The following RAI1 variants were observed in gnomAD, a reference collection of about 807,000 sequenced individuals.
The protein encoded by RAI1 is retinoic acid-induced protein 1.
RAI1 carries 9 observed loss-of-function variants against 123.8 expected under a neutral mutation model. The observed-to-expected ratio is 0.07, with a 90% CI of 0.04 to 0.13. The LOEUF (loss-of-function observed/expected upper bound fraction) is 0.13, where lower values mean the gene tolerates loss of function less well. Among genes scored for constraint, RAI1 ranks in the 10% least tolerant of loss-of-function variants. The pLI, the probability that RAI1 is intolerant of heterozygous loss-of-function variation, is 1.00. For missense variants in RAI1, 2,256 were observed against 2,545.8 expected (o/e 0.89, Z 2.45); for synonymous variants, 1,231 against 1,127.3 (o/e 1.09, Z -1.84).
At chr17:17,738,418 G>C (rs1455711516) in intron 2 of RAI1, among the ~76,000 whole-genome samples, 1 of 151,824 alleles carries the variant, frequency 6.6e-6, no homozygotes, top group Non-Finnish European at 1.5e-5. Flanking sequence ...GGGCAGGAGG[G>C]TGCAGCTGAG....
At chr17:17,688,942 G>C (rs1914744014) in intron 1 of RAI1, among the ~76,000 whole-genome samples, 1 of 149,962 alleles carries the variant, frequency 6.7e-6, no homozygotes, top group Admixed American at 6.7e-5. Context: ...ATGTAGAAGA[G>C]ATCACCATTA....
intron 2 of RAI1, among the ~76,000 whole-genome samples, chr17:17,741,091 G>GCGCACA (rs891053243): frequency 8.3e-6 from 1 of 120,000 alleles, no homozygotes; most frequent in African/African-American, 2.6e-5. Flanking sequence ...AAGCGCGCGC[G>GCGCACA]CACACACACA....
Position 17,810,800 on chromosome 17 carries a change from C to G in RAI1, c.*819C>G, listed in dbSNP as rs1443590914. ...CCCAAGAAGCGGCCAGAACGCACCT[C>G]CGGCTCCGGCGGACGCGCGACCGTT... On this transcript the variant is annotated 3_prime_UTR_variant, in exon 6 of 6. Coordinates refer to ENST00000353383, the MANE Select transcript of RAI1 (RefSeq NM_030665.4). The surrounding 1 kb of genome is among the most constrained non-coding windows in gnomAD (Gnocchi z 4.6). The G allele has an allele frequency of 2.2e-6, 1 of 454,986 alleles. No individual in the cohort carries two copies. Among genetic ancestry groups the G allele is most frequent in the African/African-American group, 2.0e-5 (1 of 50,176 alleles). The allele number at this position is 454,986 out of a possible 1,614,324, so 28.2% of individuals were successfully genotyped here.
Position 17,810,312 on chromosome 17 carries a change from G to C in RAI1, c.*331G>C. 2.3e-6 allele frequency: 1 copy of C among 437,006 alleles called. No individual in the cohort carries two copies. Among genetic ancestry groups the C allele is most frequent in the Admixed American group, 4.2e-5 (1 of 24,022 alleles). The allele number at this position is 437,006 out of a possible 1,614,324, so 27.1% of individuals were successfully genotyped here. ...GGCGCTCAGCCTCCGGCGAGGGTGG[G>C]AGACGGCTTTGTCCTGGGGACACTT... On this transcript the variant is annotated 3_prime_UTR_variant, in exon 6 of 6. Transcript: ENST00000353383. This position sits in a 1 kb window ranked among gnomAD's most constrained non-coding sequence, Gnocchi z 4.6.
intron 1 of RAI1, among the ~76,000 whole-genome samples, chr17:17,723,579 C>A (rs1389963997): frequency 6.7e-6 from 1 of 149,596 alleles, no homozygotes; most frequent in African/African-American, 2.5e-5. Context: ...AGCCTCGCAG[C>A]GGGTGACCCC....
intron 1 of RAI1, among the ~76,000 whole-genome samples, chr17:17,709,119 C>T (rs1161632451): frequency 1.3e-5 from 2 of 152,114 alleles, no homozygotes; most frequent in Admixed American, 6.5e-5. Flanking sequence ...AGCAGCCACC[C>T]GGGGACCATC....
At chr17:17,768,948 G>A (rs1209255497) in intron 2 of RAI1, among the ~76,000 whole-genome samples, 3 of 152,224 alleles carry the variant, frequency 2.0e-5, no homozygotes, top group African/African-American at 7.2e-5. Context: ...GAAGGCTGAA[G>A]TGACAGTGTC....
In RAI1 at chr17:17,800,830, G is replaced by A. The variant is rs2032436977; in HGVS notation, c.5565+2317G>A. On this transcript the variant is annotated intron_variant, in intron 3 of 5. Coordinates refer to ENST00000353383, the MANE Select transcript of RAI1 (RefSeq NM_030665.4). This position sits in a 1 kb window ranked among gnomAD's most constrained non-coding sequence, Gnocchi z 4.7. ...CACCCCTTCCTGCCTCAGTGGCTTG[G>A]GGGCGCCATGCTCCTTGGAGTGAGA... 1.3e-5 allele frequency among the ~76,000 whole-genome samples: 2 copies of A among 152,246 alleles called. No individual in the cohort carries two copies. Among genetic ancestry groups the A allele is most frequent in the Admixed American group, 6.5e-5 (1 of 15,294 alleles).
chr17:17,721,481 C>T (rs1915878976), intron 1 of RAI1, among the ~76,000 whole-genome samples: 1 of 152,068 alleles, frequency 6.6e-6, no homozygotes, highest in East Asian at 1.9e-4. Context: ...TGAGAGTGTG[C>T]CTGCTGAATT....
At position 17,796,443 on chromosome 17, in the gene RAI1, G is replaced by A. The variant is rs915407132; in HGVS notation, c.3495G>A (p.Glu1165=). 2 of 1,613,150 alleles carry A rather than the reference G, an allele frequency of 1.2e-6. No individual in the cohort carries two copies. Among genetic ancestry groups the A allele is most frequent in the Non-Finnish European group, 1.7e-6 (2 of 1,180,004 alleles). The change falls in exon 3 of 6, where the codon GAG becomes GAA. Residue 1165 remains glutamate, a synonymous_variant. Coordinates refer to ENST00000353383, the MANE Select transcript of RAI1 (RefSeq NM_030665.4). The surrounding 1 kb of genome is among the most constrained non-coding windows in gnomAD (Gnocchi z 5.8). ...IFHSKRRRPS[E]GRLPNCRATK... is the part of the protein sequence containing the mutation. ...ACTCCAAGCGGCGGAGGCCCTCTGAGGGCCGGCTCCCCAACTGCCGTGCCA... is the reference window on the plus strand; with the variant it reads ...ACTCCAAGCGGCGGAGGCCCTCTGAAGGCCGGCTCCCCAACTGCCGTGCCA...
chr17:17,693,011 G>A (rs764264832), intron 1 of RAI1, among the ~76,000 whole-genome samples: 5 of 152,350 alleles, frequency 3.3e-5, no homozygotes, highest in Admixed American at 6.5e-5. Context: ...TGTGGAATGC[G>A]GGTATTTATT....
Position 17,746,306 on chromosome 17 carries a change from G to A in RAI1, c.-17+22147G>A, listed in dbSNP as rs1038944469. Reference sequence around the variant, plus strand: ...CAGGGAGAGGATGCGCTTCCGTGCCGCAGCCCATCTGGGAGCCAACGTTAT... The same window carrying A: ...CAGGGAGAGGATGCGCTTCCGTGCCACAGCCCATCTGGGAGCCAACGTTAT... On this transcript the variant is annotated intron_variant, in intron 2 of 5. Transcript: ENST00000353383. 3.3e-5 allele frequency among the ~76,000 whole-genome samples: 5 copies of A among 152,332 alleles called. No individual in the cohort carries two copies. In the South Asian group the frequency reaches 8.3e-4, roughly 25 times the overall value.
At position 17,794,704 on chromosome 17, in the gene RAI1, A is replaced by C; in HGVS notation, c.1756A>C (p.Lys586Gln). Residue 586 changes from lysine to glutamine, a missense_variant, in exon 3 of 6, where the codon AAG becomes CAG. By Grantham distance (53) the Lys-to-Gln change is moderately conservative. Transcript: ENST00000353383. ...HGSLPLDSFS[K>Q]FVAGERDCPR... ...CAGTCTGCCGCTCGACAGCTTCTCC[A>C]AGTTCGTGGCGGGTGAGCGGGACTG... is the stretch of plus-strand genomic sequence containing the variant. 6.2e-7 allele frequency: 1 copy of C among 1,612,916 alleles called. No homozygotes were observed. Among genetic ancestry groups the C allele is most frequent in the African/African-American group, 1.3e-5 (1 of 75,040 alleles).
chr17:17,779,834 G>A (rs899701791), intron 2 of RAI1, among the ~76,000 whole-genome samples: 3 of 149,386 alleles, frequency 2.0e-5, no homozygotes, highest in Admixed American at 6.7e-5. Context: ...GAGTGCAGTG[G>A]CGCGATCTTG....
At chr17:17,765,590 A>T (rs1224451908) in intron 2 of RAI1, among the ~76,000 whole-genome samples, 1 of 152,264 alleles carries the variant, frequency 6.6e-6, no homozygotes, top group Non-Finnish European at 1.5e-5. Context: ...GAATAGTTGT[A>T]TAATATTTGA....
At chr17:17,791,785 G>A (rs561619281) in intron 2 of RAI1, among the ~76,000 whole-genome samples, 75 of 152,278 alleles carry the variant, frequency 4.9e-4, no homozygotes, top group Non-Finnish European at 9.4e-4. Flanking sequence ...CCAGGCCAGC[G>A]AGTCAGCTGG....
At chr17:17,699,259 G>C (rs538258113) in intron 1 of RAI1, among the ~76,000 whole-genome samples, 2 of 152,094 alleles carry the variant, frequency 1.3e-5, no homozygotes, top group Non-Finnish European at 2.9e-5. Context: ...GACATCTGTC[G>C]GCAACATCCT....
intron 1 of RAI1, among the ~76,000 whole-genome samples, chr17:17,717,818 C>G (rs1434884294): frequency 6.6e-6 from 1 of 152,208 alleles, no homozygotes; most frequent in Non-Finnish European, 1.5e-5. Flanking sequence ...GGCCCAGTCA[C>G]ACGCCTGCAG....
At chr17:17,745,775 A>T (rs2029890105) in intron 2 of RAI1, among the ~76,000 whole-genome samples, 1 of 152,224 alleles carries the variant, frequency 6.6e-6, no homozygotes, top group East Asian at 1.9e-4. Context: ...CAGAGCTTAC[A>T]GAAGGGTGAG....
Sources: gnomAD v4.1 joint callset for allele counts (sites outside exome capture counted in the v4.1 genomes callset) on GRCh38, gnomAD v4.1.1 for gene constraint, Gnocchi (gnomAD v3.1) non-coding constraint, MANE v1.5 for transcripts, NCBI Gene and HGNC (gene_info 2026-07-23, HGNC 2026-07-21) for gene names.